The following SMYD3 variants were observed in gnomAD, a reference collection of about 807,000 sequenced individuals.
SMYD3 encodes SET and MYND domain containing 3.
Under a neutral mutation model 57.7 loss-of-function variants are expected in SMYD3, and 36 were observed. The ratio of observed to expected loss-of-function variants is 0.62; its 90% CI spans 0.48 to 0.82. The LOEUF (loss-of-function observed/expected upper bound fraction) is 0.82. Ranked by LOEUF, SMYD3 falls within the 40% of genes least tolerant of loss-of-function variation. The pLI is 0.00. For synonymous variants in SMYD3, 211 were observed against 195.0 expected, an observed-to-expected ratio of 1.08 and a Z score of -0.68; for missense variants, 515 against 538.8, an observed-to-expected ratio of 0.96 and a Z score of 0.44.
intron 1 of SMYD3, among the ~76,000 whole-genome samples, chr1:246,401,402 C>T (rs1421239599): frequency 6.6e-6 from 1 of 151,992 alleles, no homozygotes; most frequent in Non-Finnish European, 1.5e-5. Flanking sequence ...GGTGCAATCT[C>T]GGCTCACTGC....
intron 3 of SMYD3, among the ~76,000 whole-genome samples, chr1:246,331,985 T>C (rs1364185270): frequency 6.6e-6 from 1 of 152,190 alleles, no homozygotes; most frequent in East Asian, 1.9e-4. Flanking sequence ...TTATTCCCAC[T>C]GCCTGGCTAT....
intron 5 of SMYD3, among the ~76,000 whole-genome samples, chr1:246,248,635 C>CTT (rs1558348050): frequency 2.3e-4 from 16 of 68,330 alleles, no homozygotes; most frequent in East Asian, 3.2e-3. Context: ...CTCTGACTTT[C>CTT]CTTTTTTTTT....
In SMYD3 at chr1:246,166,759, G is replaced by A. The variant is rs112348362; in HGVS notation, c.531+160442C>T. Reference sequence around the variant, plus strand: ...CTGTAATACCTGAGAGCTAGGGGCCGCGGGATAACTTAGTCATTATTGTTT... The same window carrying A: ...CTGTAATACCTGAGAGCTAGGGGCCACGGGATAACTTAGTCATTATTGTTT... On this transcript the variant is annotated intron_variant, in intron 5 of 11. Coordinates refer to ENST00000490107, the MANE Select transcript of SMYD3 (RefSeq NM_001167740.2). Among the ~76,000 whole-genome samples, 268 of 152,290 alleles carry A rather than the reference G, an allele frequency of 1.8e-3. 1 individual carries two copies. Among genetic ancestry groups the A allele is most frequent in the African/African-American group, 5.6e-3 (234 of 41,554 alleles).
intron 1 of SMYD3, among the ~76,000 whole-genome samples, chr1:246,384,103 T>A (rs1015752101): frequency 6.6e-6 from 1 of 152,172 alleles, no homozygotes; most frequent in Non-Finnish European, 1.5e-5. Flanking sequence ...GTATCTCATA[T>A]GAAGTATTTT....
chr1:246,018,271 C>A (rs993719895), intron 5 of SMYD3, among the ~76,000 whole-genome samples: 1 of 152,174 alleles, frequency 6.6e-6, no homozygotes, highest in Non-Finnish European at 1.5e-5. Flanking sequence ...AGTTCCTTCC[C>A]TTTCCAAAAC....
Position 246,168,630 on chromosome 1 carries a change from G to T in SMYD3, c.531+158571C>A, listed in dbSNP as rs548961920. ...TGTACTTTATAATTGTTATTTCTTT[G>T]AAATGATTCTTTTTCTTTGTGAGAG... On this transcript the variant is annotated intron_variant, in intron 5 of 11. Coordinates refer to ENST00000490107, the MANE Select transcript of SMYD3 (RefSeq NM_001167740.2). 2.4e-4 allele frequency among the ~76,000 whole-genome samples: 37 copies of T among 152,148 alleles called. No homozygotes were observed. In the East Asian group the frequency reaches 5.6e-3, roughly 23 times the overall value.
At chr1:246,290,413 C>A (rs965765164) in intron 5 of SMYD3, among the ~76,000 whole-genome samples, 2 of 152,142 alleles carry the variant, frequency 1.3e-5, no homozygotes, top group East Asian at 1.9e-4. Flanking sequence ...TGGTTAATTT[C>A]TTAAATTATG....
intron 5 of SMYD3, among the ~76,000 whole-genome samples, chr1:246,074,897 T>C (rs1453061482): frequency 6.8e-6 from 1 of 146,802 alleles, no homozygotes; most frequent in Non-Finnish European, 1.5e-5. Context: ...GCCAATATAA[T>C]AGCATGCTAA....
At chr1:246,187,287 C>CAAAAAAA (rs201777727) in intron 5 of SMYD3, among the ~76,000 whole-genome samples, 4 of 110,444 alleles carry the variant, frequency 3.6e-5, no homozygotes, top group African/African-American at 6.4e-5. Flanking sequence ...GACTCTGTCT[C>CAAAAAAA]AAAAAAAAAA....
intron 5 of SMYD3, among the ~76,000 whole-genome samples, chr1:246,185,966 A>G (rs1045228682): frequency 3.9e-5 from 6 of 152,206 alleles, no homozygotes; most frequent in African/African-American, 1.4e-4. Flanking sequence ...AAATTGTAGA[A>G]TAACAGAATC....
intron 8 of SMYD3, among the ~76,000 whole-genome samples, chr1:245,894,343 C>T (rs1348461339): frequency 6.6e-6 from 1 of 151,868 alleles, no homozygotes; most frequent in Non-Finnish European, 1.5e-5. Context: ...TAAAAGGAAC[C>T]AATCAGCAGG....
At chr1:246,487,923 A>G (rs1007428190) in intron 1 of SMYD3, among the ~76,000 whole-genome samples, 3 of 152,032 alleles carry the variant, frequency 2.0e-5, no homozygotes, top group Admixed American at 6.5e-5. Context: ...CGAACTCCCA[A>G]CCTCAGGTGA....
chr1:246,414,222 A>C (rs1310824518), intron 1 of SMYD3, among the ~76,000 whole-genome samples: 3 of 152,238 alleles, frequency 2.0e-5, no homozygotes. Context: ...CAGGGCTGAG[A>C]TATCACCCAC....
At chr1:246,255,223 C>T (rs1308483022) in intron 5 of SMYD3, among the ~76,000 whole-genome samples, 1 of 151,874 alleles carries the variant, frequency 6.6e-6, no homozygotes, top group Non-Finnish European at 1.5e-5. Flanking sequence ...AGGGAGAATG[C>T]TCCCAGTTTT....
intron 8 of SMYD3, among the ~76,000 whole-genome samples, chr1:245,886,489 C>T (rs558019811): frequency 6.6e-6 from 1 of 152,260 alleles, no homozygotes; most frequent in African/African-American, 2.4e-5. Context: ...AATTAATACC[C>T]AGTACAATTG....
At chr1:246,372,331 A>G (rs2066206708) in intron 1 of SMYD3, among the ~76,000 whole-genome samples, 1 of 152,196 alleles carries the variant, frequency 6.6e-6, no homozygotes. Context: ...TATTTTTCTT[A>G]TCAAACACCC....
chr1:245,788,888 C>T (rs2047154184), intron 10 of SMYD3: 1 of 152,162 alleles, frequency 6.6e-6, no homozygotes, highest in Non-Finnish European at 1.5e-5. Context: ...TAATTATGTG[C>T]CAAGTGGTGC....
chr1:246,154,040 C>A (rs2061983441), intron 5 of SMYD3, among the ~76,000 whole-genome samples: 2 of 152,154 alleles, frequency 1.3e-5, no homozygotes, highest in Non-Finnish European at 2.9e-5. Flanking sequence ...ATACATGAGT[C>A]ACTCCCTCTT....
chr1:246,504,415 TG>T (rs1419464628), intron 1 of SMYD3, among the ~76,000 whole-genome samples: 3 of 152,204 alleles, frequency 2.0e-5, no homozygotes, highest in Admixed American at 6.5e-5. Flanking sequence ...GTTACTGTAC[TG>T]AATACTGTAG....
Sources: allele counts gnomAD v4.1 joint callset (sites outside exome capture counted in the v4.1 genomes callset), GRCh38; gene constraint gnomAD v4.1.1; transcripts MANE v1.5; gene names NCBI Gene and HGNC (gene_info 2026-07-23, HGNC 2026-07-21).